SYTL2: variants seen among roughly 807,000 people sequenced by gnomAD.
SYTL2 encodes the protein synaptotagmin-like protein 2.
A neutral mutation model predicts 198.7 loss-of-function variants in SYTL2; 165 were observed. That is an observed-to-expected ratio of 0.83 (90% CI 0.73 to 0.94). The LOEUF is 0.94. Among genes scored for constraint, SYTL2 ranks in the 40% least tolerant of loss-of-function variants. The pLI is 0.00. For synonymous variants in SYTL2, 966 were observed against 917.7 expected, an observed-to-expected ratio of 1.05 and a Z score of -0.95; for missense variants, 2,835 against 2,582.8, an observed-to-expected ratio of 1.10 and a Z score of -2.12.
At chr11:85,738,809 G>T (rs2090562283) in intron 4 of SYTL2, among the ~76,000 whole-genome samples, 1 of 152,102 alleles carries the variant, frequency 6.6e-6, no homozygotes, top group Non-Finnish European at 1.5e-5. Context: ...AAGTGCTGAT[G>T]GTTGGGGGTC....
the SYTL2 span, among the ~76,000 whole-genome samples, chr11:85,822,654 G>A: frequency 6.6e-6 from 1 of 152,180 alleles, no homozygotes; most frequent in Non-Finnish European, 1.5e-5. Context: ...TGCTCAGATT[G>A]GGATAGATCT....
rs540923508 is a variant in SYTL2 at position 85,705,753 on chromosome 11, G to A, written c.6019-725C>T. Among the ~76,000 whole-genome samples the A allele has an allele frequency of 6.6e-5, 10 of 152,298 alleles. No homozygotes were observed. The South Asian group carries it at 1.9e-3, about 28-fold the overall frequency. On this transcript the variant is annotated intron_variant, in intron 15 of 19. Coordinates refer to ENST00000359152, the MANE Select transcript of SYTL2 (RefSeq NM_206927.4). ...TACTTGAATGTCCACTGTGGTTGTA[G>A]TAAGTCTGCCTTTCTCTGAGCTTAA...
chr11:85,700,983 T>C (rs879744729), intron 16 of SYTL2, among the ~76,000 whole-genome samples: 1 of 152,138 alleles, frequency 6.6e-6, no homozygotes, highest in Non-Finnish European at 1.5e-5. Flanking sequence ...TTTGAAGGAG[T>C]ATGAGATAGT....
At chr11:85,852,991 C>T in the SYTL2 span, 3 of 323,968 alleles carry the variant, frequency 9.3e-6, no homozygotes, top group South Asian at 4.2e-5. Flanking sequence ...GCAGCCGCCC[C>T]GTCTGAGAAG....
intron 1 of SYTL2, among the ~76,000 whole-genome samples, chr11:85,787,332 T>C (rs1347295761): frequency 1.3e-5 from 2 of 152,212 alleles, no homozygotes; most frequent in Non-Finnish European, 2.9e-5. Flanking sequence ...CTAAATGTTT[T>C]CACCCTTCCA....
chr11:85,787,701 C>CTT (rs56177666), intron 1 of SYTL2, among the ~76,000 whole-genome samples: 2,029 of 90,300 alleles, frequency 0.022, 23 homozygotes, highest in Admixed American at 0.041. Context: ...TTTTCTTTTC[C>CTT]TTTTTTTTTT....
chr11:85,727,636 C>A lies in SYTL2; in HGVS notation c.1722G>T (p.Lys574Asn), dbSNP rs745865319. 6.5e-7 allele frequency: 1 copy of A among 1,536,164 alleles called. No homozygotes were observed. The highest frequency in any genetic ancestry group is 2.0e-5 in the Admixed American group (1 of 50,934). Residue 574 changes from lysine to asparagine, a missense_variant, in exon 8 of 20, where the codon AAG (lysine) becomes AAT (asparagine). Lys to Asn is a moderately conservative substitution (Grantham distance 94, BLOSUM62 0). This residue lies in a region of SYTL2 where 2,645 missense variants were observed against 2,381.7 expected (regional missense o/e 1.11). Coordinates refer to ENST00000359152, the MANE Select transcript of SYTL2 (RefSeq NM_206927.4). ...DDTTLRENGSKTLSPSKIELK... is the reference protein window; with the variant it reads ...DDTTLRENGSNTLSPSKIELK... ...ATTCAATTTTGCTGGGTGATAGGGT[C>A]TTTGAGCCATTTTCTCTTAAAGTAG...
chr11:85,767,294 C>G (rs556894431), intron 1 of SYTL2, among the ~76,000 whole-genome samples: 7 of 152,276 alleles, frequency 4.6e-5, no homozygotes, highest in Non-Finnish European at 5.9e-5. Context: ...CCTTTACCCT[C>G]TAGGACATAC....
At chr11:85,770,255 C>G (rs2092328453) in intron 1 of SYTL2, among the ~76,000 whole-genome samples, 1 of 152,146 alleles carries the variant, frequency 6.6e-6, no homozygotes, top group Admixed American at 6.5e-5. Flanking sequence ...ATGCTTTCCT[C>G]TCCTCATCCT....
chr11:85,840,360 G>A, the SYTL2 span, among the ~76,000 whole-genome samples: 1 of 152,100 alleles, frequency 6.6e-6, no homozygotes, highest in Admixed American at 6.6e-5. Context: ...AGAAAGCATT[G>A]CCCAGTCCAA....
the SYTL2 span, among the ~76,000 whole-genome samples, chr11:85,834,158 C>T: frequency 6.6e-6 from 1 of 151,958 alleles, no homozygotes; most frequent in Non-Finnish European, 1.5e-5. Flanking sequence ...AGAATCAGAA[C>T]TACAAATACT....
Position 85,789,535 on chromosome 11 carries a change from A to T in SYTL2, c.-390+21419T>A, listed in dbSNP as rs560521620. ...CATGTATCTTCCACCGCCCCTGGCCAAATTATACATTTTGAAAGCCTTATC... is the reference window on the plus strand; with the variant it reads ...CATGTATCTTCCACCGCCCCTGGCCTAATTATACATTTTGAAAGCCTTATC... On this transcript the variant is annotated intron_variant, in intron 1 of 19. Transcript: ENST00000359152. 9.8e-4 allele frequency among the ~76,000 whole-genome samples: 147 copies of T among 150,542 alleles called. 1 individual carries two copies. Among genetic ancestry groups the T allele is most frequent in the African/African-American group, 3.4e-3 (140 of 41,014 alleles).
chr11:85,722,151 T>C (rs1396289952), intron 8 of SYTL2, among the ~76,000 whole-genome samples: 1 of 151,524 alleles, frequency 6.6e-6, no homozygotes, highest in African/African-American at 2.4e-5. Context: ...AAATGTCTTC[T>C]CTGGGCTCTG....
rs2083386747 is a variant in SYTL2, at chr11:85,696,242, C to T, written c.6515G>A (p.Trp2172Ter). Residue 2172 changes from tryptophan to a stop codon, truncating the protein, a stop_gained, in exon 19 of 20, where the codon TGG becomes TAG. Transcript: ENST00000359152. LOFTEE classifies it high-confidence loss of function. ...LMEACVELTV[W>*]DHYKLTNQFL... Reference sequence around the variant, plus strand: ...TTGGTTGGTTAATTTGTAATGGTCCCAGACAGTAAGCTCTACACAGGCTTC... The same window carrying T: ...TTGGTTGGTTAATTTGTAATGGTCCTAGACAGTAAGCTCTACACAGGCTTC... 6.2e-7 allele frequency: 1 copy of T among 1,614,028 alleles called. No homozygotes were observed. Among genetic ancestry groups the T allele is most frequent in the East Asian group, 2.2e-5 (1 of 44,854 alleles).
Position 85,694,348 on chromosome 11 carries a change from TAAG to T in SYTL2, c.*844_*846del, listed in dbSNP as rs1031277073. On this transcript the variant is annotated 3_prime_UTR_variant, in exon 20 of 20. Transcript: ENST00000359152. ...ACAAAATACGAAAATTTTACATACA[TAAG>T]AAGAACAGTATAACTGAGCAACTTA... 6 of 152,362 alleles carry T rather than the reference TAAG, an allele frequency of 3.9e-5. No homozygotes were observed. The highest frequency in any genetic ancestry group is 2.1e-4 in the South Asian group (1 of 4,832). The allele number at this position is 152,362 out of a possible 1,614,324, so 9.4% of individuals were successfully genotyped here.
chr11:85,826,664 G>A, the SYTL2 span, among the ~76,000 whole-genome samples: 1 of 152,210 alleles, frequency 6.6e-6, no homozygotes, highest in South Asian at 2.1e-4. Context: ...AGCCTCTAAC[G>A]GTATGTCAGA....
intron 12 of SYTL2, among the ~76,000 whole-genome samples, chr11:85,711,587 T>C (rs2153426042): frequency 1.3e-5 from 2 of 152,288 alleles, no homozygotes; most frequent in East Asian, 3.9e-4. Flanking sequence ...ATATGAGAAA[T>C]TAACTTTACC....
At position 85,694,768 on chromosome 11, in the gene SYTL2, T is replaced by C. The variant is rs1264489800; in HGVS notation, c.*427A>G. 1 of 152,932 alleles carries C rather than the reference T, an allele frequency of 6.5e-6. No individual in the cohort carries two copies. The highest frequency in any genetic ancestry group is 1.5e-5 in the Non-Finnish European group (1 of 68,492). The allele number at this position is 152,932 out of a possible 1,614,324, so 9.5% of individuals were successfully genotyped here. A position where few individuals can be genotyped will look rare whatever the true frequency, so the allele number is the denominator to read the frequency against. ...TCTCCATTCCCTGCTCCACTTTGAG[T>C]ATCTTTCTGCGACTTTTTCCCACAA... is the stretch of plus-strand genomic sequence containing the variant. On this transcript the variant is annotated 3_prime_UTR_variant, in exon 20 of 20. Transcript: ENST00000359152.
the SYTL2 span, among the ~76,000 whole-genome samples, chr11:85,847,329 C>A: frequency 2.6e-5 from 4 of 152,072 alleles, no homozygotes; most frequent in African/African-American, 9.7e-5. Context: ...TCACTTAGCT[C>A]AATTCTTTTG....
Sources: allele counts gnomAD v4.1 joint callset (sites outside exome capture counted in the v4.1 genomes callset), GRCh38; gene constraint gnomAD v4.1.1; regional missense constraint gnomAD v4.1.1; transcripts MANE v1.5; gene names NCBI Gene and HGNC (gene_info 2026-07-23, HGNC 2026-07-21).